Variants in LEPR observed in about 807,000 individuals in gnomAD.
LEPR encodes OB receptor.
In LEPR, 56 loss-of-function variants were observed where a neutral mutation model predicts 114.7. The observed-to-expected ratio is 0.49, with a 90% CI of 0.39 to 0.61. The LOEUF is 0.61. Among genes scored for constraint, LEPR ranks in the 20% least tolerant of loss-of-function variants. LEPR has a pLI of 0.00. For synonymous variants in LEPR, 443 were observed against 461.4 expected, an observed-to-expected ratio of 0.96 and a Z score of 0.51; for missense variants, 1,202 against 1,352.9, an observed-to-expected ratio of 0.89 and a Z score of 1.75.
intron 2 of LEPR, among the ~76,000 whole-genome samples, chr1:65,491,254 T>C (rs1028291440): frequency 6.6e-6 from 1 of 152,144 alleles, no homozygotes; most frequent in Non-Finnish European, 1.5e-5. Context: ...GTTTGTCATA[T>C]GCTTAAAATC....
intron 2 of LEPR, among the ~76,000 whole-genome samples, chr1:65,460,587 G>T (rs1646932369): frequency 6.6e-6 from 1 of 152,128 alleles, no homozygotes; most frequent in Non-Finnish European, 1.5e-5. Flanking sequence ...TCACCAAAAA[G>T]ATGACCTTCA....
At chr1:65,499,053 T>A (rs780648963) in intron 2 of LEPR, among the ~76,000 whole-genome samples, 1 of 152,076 alleles carries the variant, frequency 6.6e-6, no homozygotes, top group Non-Finnish European at 1.5e-5. Flanking sequence ...TACTAAGTGA[T>A]CCTAGTCTAA....
intron 2 of LEPR, among the ~76,000 whole-genome samples, chr1:65,477,545 G>A (rs1051251868): frequency 1.3e-5 from 2 of 152,242 alleles, no homozygotes; most frequent in African/African-American, 4.8e-5. Context: ...GGGACCTTGA[G>A]TCATCCCTTG....
In LEPR at chr1:65,505,169, T is replaced by G. The variant is rs181140333; in HGVS notation, c.-20-60377T>G. ...TTTGTACCTATGTGAAGTCAAAATTTTAATTATGAGTATGATAAAAATAAA... is the reference window on the plus strand; with the variant it reads ...TTTGTACCTATGTGAAGTCAAAATTGTAATTATGAGTATGATAAAAATAAA... On this transcript the variant is annotated intron_variant, in intron 2 of 19. Transcript: ENST00000349533. Among the ~76,000 whole-genome samples the G allele has an allele frequency of 5.3e-5, 8 of 152,246 alleles. No individual in the cohort carries two copies. The East Asian group carries it at 1.3e-3, about 26-fold the overall frequency.
intron 2 of LEPR, among the ~76,000 whole-genome samples, chr1:65,495,842 T>TA (rs1442493559): frequency 6.6e-6 from 1 of 152,130 alleles, no homozygotes; most frequent in African/African-American, 2.4e-5. Context: ...ATATGGTAGC[T>TA]AAAAAAGTTG....
At chr1:65,600,483 C>T (rs1656375481) in intron 8 of LEPR, among the ~76,000 whole-genome samples, 1 of 152,090 alleles carries the variant, frequency 6.6e-6, no homozygotes, top group East Asian at 1.9e-4. Flanking sequence ...ATTTTTGTTT[C>T]TGTTTTTAAG....
chr1:65,522,556 G>A (rs1195538394), intron 2 of LEPR, among the ~76,000 whole-genome samples: 1 of 152,204 alleles, frequency 6.6e-6, no homozygotes, highest in African/African-American at 2.4e-5. Flanking sequence ...GAGCCGGAAA[G>A]AAAACGGAGT....
intron 3 of LEPR, among the ~76,000 whole-genome samples, chr1:65,569,827 G>A (rs1654033392): frequency 6.6e-6 from 1 of 151,620 alleles, no homozygotes; most frequent in Admixed American, 6.6e-5. Context: ...AATCAGCAGT[G>A]GGCATTTCCC....
At chr1:65,508,775 A>T (rs1249377427) in intron 2 of LEPR, among the ~76,000 whole-genome samples, 1 of 152,106 alleles carries the variant, frequency 6.6e-6, no homozygotes, top group Non-Finnish European at 1.5e-5. Flanking sequence ...GATTGCTTTG[A>T]GTAATATGGA....
intron 2 of LEPR, among the ~76,000 whole-genome samples, chr1:65,462,470 G>A (rs1360691377): frequency 6.6e-6 from 1 of 152,210 alleles, no homozygotes; most frequent in African/African-American, 2.4e-5. Context: ...ACATGTGCAT[G>A]TGTCTTTGTA....
At chr1:65,632,700 G>A (rs923637943) in intron 19 of LEPR, among the ~76,000 whole-genome samples, 11 of 152,028 alleles carry the variant, frequency 7.2e-5, no homozygotes, top group African/African-American at 2.7e-4. Flanking sequence ...AAAAACCCAT[G>A]GTAATGAATG....
At chr1:65,626,385 C>A in intron 19 of LEPR, 1 of 839,662 alleles carries the variant, frequency 1.2e-6, no homozygotes, top group Non-Finnish European at 1.4e-6. Flanking sequence ...TTTTAAAAAT[C>A]TCTGGAAATA....
At chr1:65,557,478 G>A (rs1652896208) in intron 2 of LEPR, among the ~76,000 whole-genome samples, 2 of 152,116 alleles carry the variant, frequency 1.3e-5, no homozygotes, top group South Asian at 4.1e-4. Context: ...GGAGTGCAGT[G>A]GTGTGATCTC....
At position 65,603,351 on chromosome 1, in the gene LEPR, T is replaced by TCACACACA. The variant is rs35530125; in HGVS notation, c.1403+1406_1403+1413dup. On this transcript the variant is annotated intron_variant, in intron 10 of 19. Transcript: ENST00000349533. ...TTTTTGCCCACGCACCACCATTTAT[T>TCACACACA]CACACACACACACACACACACATTC... Among the ~76,000 whole-genome samples, 170 of 149,900 alleles carry TCACACACA rather than the reference T, an allele frequency of 1.1e-3. 4 individuals are homozygous for TCACACACA. The highest frequency in any genetic ancestry group is 3.6e-3 in the African/African-American group (148 of 40,886).
At chr1:65,448,573 A>G (rs1220204112) in intron 2 of LEPR, among the ~76,000 whole-genome samples, 1 of 152,182 alleles carries the variant, frequency 6.6e-6, no homozygotes, top group East Asian at 1.9e-4. Flanking sequence ...TCTGTCTTCT[A>G]AAAGAGATTG....
intron 2 of LEPR, among the ~76,000 whole-genome samples, chr1:65,429,599 T>C (rs1358697905): frequency 1.3e-5 from 2 of 152,140 alleles, no homozygotes; most frequent in Non-Finnish European, 2.9e-5. Flanking sequence ...TGTGGCTCAG[T>C]GGTACAGAAA....
At chr1:65,453,547 C>G (rs1196033155) in intron 2 of LEPR, among the ~76,000 whole-genome samples, 1 of 152,058 alleles carries the variant, frequency 6.6e-6, no homozygotes, top group Non-Finnish European at 1.5e-5. Context: ...ACCCAGTAGT[C>G]ATTCAGGAGC....
rs775498996 is a variant in LEPR at position 65,633,151 on chromosome 1, G to A, written c.2674-3040G>A. 1.9e-6 allele frequency: 3 copies of A among 1,584,148 alleles called. No homozygotes were observed. The highest frequency in any genetic ancestry group is 1.7e-6 in the Non-Finnish European group (2 of 1,155,168). Reference sequence around the variant, plus strand: ...TATTTTGTTTTATTTTATCTAAACAGAGAACGGACATTCTTTGAAGTCTAA... The same window carrying A: ...TATTTTGTTTTATTTTATCTAAACAAAGAACGGACATTCTTTGAAGTCTAA... On this transcript the variant is annotated intron_variant, in intron 19 of 19. Coordinates refer to ENST00000349533, the MANE Select transcript of LEPR (RefSeq NM_002303.6). This position sits in a 1 kb window ranked among gnomAD's most constrained non-coding sequence, Gnocchi z 4.1.
At chr1:65,545,376 C>T (rs1429663488) in intron 2 of LEPR, among the ~76,000 whole-genome samples, 4 of 151,916 alleles carry the variant, frequency 2.6e-5, no homozygotes, top group South Asian at 2.1e-4. Flanking sequence ...CCTGAGGAAT[C>T]GCCACACTGA....
Sources: allele counts gnomAD v4.1 joint callset (sites outside exome capture counted in the v4.1 genomes callset), GRCh38; gene constraint gnomAD v4.1.1; non-coding constraint Gnocchi (gnomAD v3.1); transcripts MANE v1.5; gene names NCBI Gene and HGNC (gene_info 2026-07-23, HGNC 2026-07-21).